TMEM260: variants seen among roughly 807,000 people sequenced by gnomAD.
TMEM260 encodes protein O-mannosyl-transferase TMEM260.
Under a neutral mutation model 88.9 loss-of-function variants are expected in TMEM260, and 82 were observed. The ratio of observed to expected loss-of-function variants is 0.92; its 90% CI spans 0.77 to 1.11. The LOEUF is 1.11. Ranked by LOEUF, TMEM260 falls within the 50% of genes least tolerant of loss-of-function variation. The probability of loss-of-function intolerance (pLI) is 0.00; values close to 1 mark genes in which losing one functional copy is unlikely to be tolerated. For missense variants in TMEM260, 902 were observed against 853.4 expected, an observed-to-expected ratio of 1.06 and a Z score of -0.71; for synonymous variants, 314 against 309.3, an observed-to-expected ratio of 1.02 and a Z score of -0.16.
chr14:56,623,523 A>G (rs1261694286), intron 11 of TMEM260, among the ~76,000 whole-genome samples: 2 of 152,198 alleles, frequency 1.3e-5, no homozygotes, highest in Non-Finnish European at 2.9e-5. Flanking sequence ...AAGGAGAATG[A>G]CTAGACTGAG....
chr14:56,642,779 GA>G (rs1158144338), intron 15 of TMEM260, among the ~76,000 whole-genome samples: 1 of 152,082 alleles, frequency 6.6e-6, no homozygotes, highest in African/African-American at 2.4e-5. Flanking sequence ...TAATAAAGAA[GA>G]AAAGACAGAA....
intron 8 of TMEM260, chr14:56,616,305 A>G (rs900743526): frequency 1.6e-5 from 4 of 250,574 alleles, no homozygotes; most frequent in Middle Eastern, 2.4e-3. Context: ...ATAACCGATT[A>G]TTATTGCTGA....
the TMEM260 span, among the ~76,000 whole-genome samples, chr14:56,662,988 C>T: frequency 2.0e-5 from 3 of 152,062 alleles, no homozygotes; most frequent in South Asian, 4.1e-4. Flanking sequence ...ATTAGCCAGG[C>T]GTGGTGGCAC....
Position 56,631,024 on chromosome 14 carries a change from A to G in TMEM260, c.1548-1971A>G, listed in dbSNP as rs117564289. 9.7e-3 allele frequency among the ~76,000 whole-genome samples: 1,477 copies of G among 152,308 alleles called. 48 individuals carry two copies. The East Asian group carries it at 0.1, about 10-fold the overall frequency. On this transcript the variant is annotated intron_variant, in intron 12 of 15. Coordinates refer to ENST00000261556, the MANE Select transcript of TMEM260 (RefSeq NM_017799.4). The stretch of plus-strand genomic sequence containing the variant: ...ACCCATACAGGGCTGCAGCAACCTC[A>G]ATTCTTGCCACCTCAGAAGAAAGAA...
At chr14:56,646,308 T>C (rs957569578) in intron 15 of TMEM260, among the ~76,000 whole-genome samples, 1 of 152,224 alleles carries the variant, frequency 6.6e-6, no homozygotes, top group South Asian at 2.1e-4. Flanking sequence ...TTAACTAAAT[T>C]ATGTAATGTC....
intron 13 of TMEM260, among the ~76,000 whole-genome samples, chr14:56,634,345 T>A (rs1330910580): frequency 6.6e-6 from 1 of 152,220 alleles, no homozygotes; most frequent in Non-Finnish European, 1.5e-5. Context: ...ACTTTCAATG[T>A]CTTCCTGTTA....
chr14:56,661,304 G>A, the TMEM260 span, among the ~76,000 whole-genome samples: 1 of 152,272 alleles, frequency 6.6e-6, no homozygotes, highest in East Asian at 1.9e-4. Flanking sequence ...TGAGGTGAGA[G>A]GCGTGGGAAA....
chr14:56,606,863 C>G (rs1328126596), intron 5 of TMEM260, among the ~76,000 whole-genome samples: 1 of 151,762 alleles, frequency 6.6e-6, no homozygotes, highest in Non-Finnish European at 1.5e-5. Context: ...CCACTGCGCT[C>G]CAGCCTGGGT....
chr14:56,615,831 C>A, intron 7 of TMEM260, 113 bp from the exon 8 acceptor site: 1 of 690,898 alleles, frequency 1.4e-6, no homozygotes, highest in Non-Finnish European at 2.4e-6. Flanking sequence ...AAAATCTGAC[C>A]CCAGCCCTTG....
Position 56,647,585 on chromosome 14 carries a change from A to G in TMEM260, c.*88A>G. ...TTTCCTTCAAGAAAAGAAACTGCAT[A>G]AAAAATTTAAAACTAAGTCATCTCC... On this transcript the variant is annotated 3_prime_UTR_variant, in exon 16 of 16. Coordinates refer to ENST00000261556, the MANE Select transcript of TMEM260 (RefSeq NM_017799.4). The G allele has an allele frequency of 7.0e-7, 1 of 1,418,976 alleles. No homozygotes were observed. Among genetic ancestry groups the G allele is most frequent in the Non-Finnish European group, 9.3e-7 (1 of 1,069,850 alleles). The allele number at this position is 1,418,976 out of a possible 1,614,324, so 87.9% of individuals were successfully genotyped here. A position where few individuals can be genotyped will look rare whatever the true frequency, so the allele number is the denominator to read the frequency against.
Position 56,603,898 on chromosome 14 carries a change from C to T in TMEM260, c.428C>T (p.Ala143Val), listed in dbSNP as rs1488068961. The T allele has an allele frequency of 2.5e-6, 4 of 1,613,708 alleles. No individual in the cohort carries two copies. In the Admixed American group the frequency reaches 5.0e-5, roughly 20 times the overall value. The part of the protein sequence containing the change: ...SRLTWQWSIA[A>V]EVFSLNNLFV... ...CTAACATGGCAGTGGTCCATTGCAG[C>T]AGAGGTTTTTAGCTTAAACAATCTC... The change falls in exon 4 of 16, where the codon GCA becomes GTA. Residue 143 changes from alanine (A) to valine (V), a missense_variant. By Grantham distance (64) the Ala-to-Val change is moderately conservative (BLOSUM62 0). Transcript: ENST00000261556.
At chr14:56,593,956 G>A (rs1886046390) in intron 3 of TMEM260, among the ~76,000 whole-genome samples, 1 of 151,810 alleles carries the variant, frequency 6.6e-6, no homozygotes, top group Admixed American at 6.6e-5. Flanking sequence ...CAAAGTGCTG[G>A]TATTACAGGC....
At chr14:56,641,228 C>T (rs1193336329) in intron 15 of TMEM260, among the ~76,000 whole-genome samples, 4 of 151,774 alleles carry the variant, frequency 2.6e-5, no homozygotes, top group African/African-American at 9.7e-5. Flanking sequence ...TTCACCAAAG[C>T]TGAAATGAAG....
intron 5 of TMEM260, among the ~76,000 whole-genome samples, chr14:56,606,345 C>T (rs1436122814): frequency 2.0e-5 from 3 of 151,994 alleles, no homozygotes; most frequent in Admixed American, 2.0e-4. Context: ...GTCGTTTTAC[C>T]TTATTGTTTG....
At chr14:56,635,287 T>G (rs1181509539) in intron 14 of TMEM260, among the ~76,000 whole-genome samples, 1 of 152,224 alleles carries the variant, frequency 6.6e-6, no homozygotes, top group Admixed American at 6.5e-5. Context: ...GTGAGTGTAA[T>G]CGATTGAGTA....
At chr14:56,610,231 T>G (rs1385830215) in intron 6 of TMEM260, among the ~76,000 whole-genome samples, 5 of 150,302 alleles carry the variant, frequency 3.3e-5, no homozygotes, top group Non-Finnish European at 5.9e-5. Context: ...AAAAAAGAAT[T>G]TTTTTTTTTA....
At chr14:56,627,428 G>T (rs565702914) in intron 12 of TMEM260, among the ~76,000 whole-genome samples, 9 of 152,098 alleles carry the variant, frequency 5.9e-5, no homozygotes, top group Admixed American at 5.9e-4. Context: ...TACAAACTTT[G>T]TAAATACATG....
chr14:56,580,809 C>T (rs1594800325), intron 1 of TMEM260, among the ~76,000 whole-genome samples: 1 of 152,144 alleles, frequency 6.6e-6, no homozygotes, highest in East Asian at 1.9e-4. Flanking sequence ...TTTTTGGATT[C>T]AATAATGCCA....
At chr14:56,630,982 TGA>T (rs2139620847) in intron 12 of TMEM260, among the ~76,000 whole-genome samples, 1 of 152,200 alleles carries the variant, frequency 6.6e-6, no homozygotes, top group South Asian at 2.1e-4. Flanking sequence ...GGCGAGTGTG[TGA>T]GTTACTGGCA....
Sources: gnomAD v4.1 joint callset for allele counts (sites outside exome capture counted in the v4.1 genomes callset) on GRCh38, gnomAD v4.1.1 for gene constraint, MANE v1.5 for transcripts, NCBI Gene and HGNC (gene_info 2026-07-23, HGNC 2026-07-21) for gene names.